Variants in JAKMIP2 observed in about 807,000 individuals in gnomAD.
JAKMIP2 encodes janus kinase and microtubule interacting protein 2, also known as janus kinase and microtubule-interacting protein 2.
A neutral mutation model predicts 115.0 loss-of-function variants in JAKMIP2; 25 were observed. That is an observed-to-expected ratio of 0.22 (90% CI 0.16 to 0.30). The LOEUF (loss-of-function observed/expected upper bound fraction) is 0.30. Among genes scored for constraint, JAKMIP2 ranks in the 10% least tolerant of loss-of-function variants. JAKMIP2 has a pLI of 1.00. For synonymous variants in JAKMIP2, 334 were observed against 343.6 expected, an observed-to-expected ratio of 0.97 and a Z score of 0.31; for missense variants, 642 against 957.6, an observed-to-expected ratio of 0.67 and a Z score of 4.35.
At chr5:147,691,076 C>G (rs1307634452) in intron 1 of JAKMIP2, among the ~76,000 whole-genome samples, 2 of 152,090 alleles carry the variant, frequency 1.3e-5, no homozygotes, top group Admixed American at 1.3e-4. Flanking sequence ...AAAGTGCTAG[C>G]AGATAGGGAG....
At chr5:147,667,600 C>G (rs1759365267) in intron 2 of JAKMIP2, among the ~76,000 whole-genome samples, 1 of 152,156 alleles carries the variant, frequency 6.6e-6, no homozygotes, top group Non-Finnish European at 1.5e-5. Flanking sequence ...AGTAAACTGG[C>G]AGGGATTTTC....
Position 147,644,896 on chromosome 5 carries a change from C to A in JAKMIP2, c.1037G>T (p.Arg346Leu), listed in dbSNP as rs753380815. ...AACGGCTTTTAGTTTTTCTTCCATG[C>A]GCTGCAAGGACACCATCAGTTCATC... ...RNDELMVSLQ[R>L]MEEKLKAVTK... Residue 346 changes from arginine to leucine, a missense_variant, in exon 6 of 22, where the codon CGC (arginine) becomes CTC (leucine). Arg to Leu is a moderately radical substitution (Grantham distance 102). Transcript: ENST00000616793. 1.2e-6 allele frequency: 2 copies of A among 1,613,674 alleles called. No homozygotes were observed. The highest frequency in any genetic ancestry group is 1.7e-6 in the Non-Finnish European group (2 of 1,179,754).
chr5:147,679,491 G>C (rs1296984916), intron 1 of JAKMIP2, among the ~76,000 whole-genome samples: 1 of 152,150 alleles, frequency 6.6e-6, no homozygotes, highest in East Asian at 1.9e-4. Flanking sequence ...ACTAATTCTA[G>C]AAAGCAGGGA....
intron 1 of JAKMIP2, among the ~76,000 whole-genome samples, chr5:147,710,267 A>T (rs1418585091): frequency 2.0e-5 from 3 of 152,112 alleles, no homozygotes; most frequent in Non-Finnish European, 2.9e-5. Context: ...ACATATTAAA[A>T]TTTTTTCATA....
intron 1 of JAKMIP2, among the ~76,000 whole-genome samples, chr5:147,779,437 T>C (rs146017817): frequency 7.9e-5 from 12 of 152,188 alleles, no homozygotes; most frequent in African/African-American, 2.2e-4. Flanking sequence ...AAAAACAACT[T>C]GATGGCCCTT....
At chr5:147,680,975 A>G (rs1157563599) in intron 1 of JAKMIP2, among the ~76,000 whole-genome samples, 2 of 152,166 alleles carry the variant, frequency 1.3e-5, no homozygotes, top group Non-Finnish European at 2.9e-5. Context: ...CCAGGTTTGT[A>G]TGACTTTTGG....
intron 1 of JAKMIP2, among the ~76,000 whole-genome samples, chr5:147,779,222 T>C (rs1755670805): frequency 6.6e-6 from 1 of 152,052 alleles, no homozygotes; most frequent in Non-Finnish European, 1.5e-5. Context: ...ATAAGAAACA[T>C]CCTATTACAA....
intron 19 of JAKMIP2, among the ~76,000 whole-genome samples, chr5:147,613,606 T>C (rs1438099416): frequency 6.6e-6 from 1 of 152,208 alleles, no homozygotes; most frequent in Non-Finnish European, 1.5e-5. Flanking sequence ...ATCACCACTA[T>C]CTAAATGTCT....
intron 1 of JAKMIP2, among the ~76,000 whole-genome samples, chr5:147,685,825 A>G (rs1002425566): frequency 1.3e-5 from 2 of 152,236 alleles, no homozygotes; most frequent in Admixed American, 6.5e-5. Flanking sequence ...GCAGATGATC[A>G]GAGATCTTAA....
chr5:147,689,990 T>A (rs773537053), intron 1 of JAKMIP2, among the ~76,000 whole-genome samples: 7 of 152,172 alleles, frequency 4.6e-5, no homozygotes, highest in Non-Finnish European at 1.0e-4. Flanking sequence ...TTCATGACGA[T>A]CTAGCCCACA....
intron 1 of JAKMIP2, among the ~76,000 whole-genome samples, chr5:147,700,583 T>G (rs946900823): frequency 1.2e-4 from 18 of 152,290 alleles, no homozygotes; most frequent in African/African-American, 4.3e-4. Context: ...GCTTTAGAAT[T>G]TAGCTGTCTT....
intron 1 of JAKMIP2, among the ~76,000 whole-genome samples, chr5:147,772,521 G>A (rs1172596174): frequency 6.6e-6 from 1 of 151,794 alleles, no homozygotes; most frequent in African/African-American, 2.4e-5. Context: ...GAAGAAAGGT[G>A]GCCCTGGTGT....
At chr5:147,687,548 T>C (rs1293912196) in intron 1 of JAKMIP2, among the ~76,000 whole-genome samples, 1 of 152,168 alleles carries the variant, frequency 6.6e-6, no homozygotes, top group Non-Finnish European at 1.5e-5. Context: ...TGAGTAAATA[T>C]TATGTAAGAA....
Position 147,592,908 on chromosome 5 carries a change from A to G in JAKMIP2, c.*21-1222T>C, listed in dbSNP as rs1480336843. ...TGCAGAGCCATTTTGCTCCCAAGAC[A>G]AGGTTAGACTGGGATGGAAGAGTGA... On this transcript the variant is annotated intron_variant, in intron 21 of 21. Transcript: ENST00000616793. 2.6e-5 allele frequency among the ~76,000 whole-genome samples: 4 copies of G among 152,298 alleles called. No homozygotes were observed. In the East Asian group the frequency reaches 7.7e-4, roughly 29 times the overall value.
At position 147,661,286 on chromosome 5, in the gene JAKMIP2, C is replaced by G; in HGVS notation, c.289G>C (p.Glu97Gln). ...AVRENLIKQH[E>Q]QEMSRTVKVR... ...TTCACCGTCCTTGACATTTCCTGCT[C>G]GTGCTGCTTGATAAGGTTCTCCCTC... The change falls in exon 3 of 22, where the codon GAG becomes CAG. Residue 97 changes from glutamate (E) to glutamine (Q), a missense_variant. Glu to Gln is a conservative substitution (Grantham distance 29). Transcript: ENST00000616793. The G allele has an allele frequency of 6.2e-7, 1 of 1,613,908 alleles. No individual in the cohort carries two copies. Among genetic ancestry groups the G allele is most frequent in the Non-Finnish European group, 8.5e-7 (1 of 1,180,022 alleles).
intron 8 of JAKMIP2, 24 bp downstream of exon 8, chr5:147,641,684 C>G (rs766438891): frequency 9.6e-6 from 15 of 1,566,238 alleles, no homozygotes; most frequent in Non-Finnish European, 1.2e-5. Context: ...TGGCAAATGC[C>G]TGATAACTTT....
chr5:147,652,658 A>T (rs543437943), intron 3 of JAKMIP2, among the ~76,000 whole-genome samples: 2 of 152,308 alleles, frequency 1.3e-5, no homozygotes, highest in East Asian at 3.9e-4. Flanking sequence ...CAGTTTGTGA[A>T]CTACTCATAA....
chr5:147,661,358 G>A lies in JAKMIP2; in HGVS notation c.217C>T (p.Leu73Phe), dbSNP rs567523711. The A allele has an allele frequency of 1.2e-6, 2 of 1,614,022 alleles. No individual in the cohort carries two copies. The highest frequency in any genetic ancestry group is 2.2e-5 in the East Asian group (1 of 44,842). ...TTCTCCTCATGGAGCTTGGCTTTGAGTTCTGTCACCAGCACCGTGTGCTTG... is the reference window on the plus strand; with the variant it reads ...TTCTCCTCATGGAGCTTGGCTTTGAATTCTGTCACCAGCACCGTGTGCTTG... Reference protein sequence around the residue: ...QRKHTVLVTELKAKLHEEKMK... With the variant: ...QRKHTVLVTEFKAKLHEEKMK... The change falls in exon 3 of 22, where the codon CTC becomes TTC. Residue 73 changes from leucine to phenylalanine, a missense_variant. Physicochemically the swap from Leu to Phe is conservative, Grantham distance 22. Transcript: ENST00000616793.
chr5:147,595,672 A>C (rs1420533366), intron 21 of JAKMIP2: 1 of 331,050 alleles, frequency 3.0e-6, no homozygotes, highest in African/African-American at 2.1e-5. Context: ...TACATAAAAT[A>C]ATAAATATAA....
Sources: allele counts gnomAD v4.1 joint callset (sites outside exome capture counted in the v4.1 genomes callset), GRCh38; gene constraint gnomAD v4.1.1; transcripts MANE v1.5; gene names NCBI Gene and HGNC (gene_info 2026-07-23, HGNC 2026-07-21).